The following CCNI variants were observed in gnomAD, a reference collection of about 807,000 sequenced individuals.
CCNI encodes the protein cyclin I.
In CCNI, 14 loss-of-function variants were observed where a neutral mutation model predicts 34.1. The observed-to-expected ratio is 0.41, with a 90% confidence interval of 0.27 to 0.64. The LOEUF (loss-of-function observed/expected upper bound fraction) is 0.64. Ranked by LOEUF, CCNI falls within the 30% of genes least tolerant of loss-of-function variation. The probability of loss-of-function intolerance (pLI) is 0.31; values close to 1 mark genes in which losing one functional copy is unlikely to be tolerated. For missense variants in CCNI, 385 were observed against 440.5 expected (o/e 0.87, Z 1.13); for synonymous variants, 154 against 158.4 (o/e 0.97, Z 0.21).
intron 2 of CCNI, among the ~76,000 whole-genome samples, chr4:77,062,868 A>G (rs539082438): frequency 4.6e-5 from 7 of 152,378 alleles, no homozygotes; most frequent in East Asian, 1.9e-4. Flanking sequence ...GTACTATTAC[A>G]TAATATAAAA....
chr4:77,047,942 A>G lies in CCNI; in HGVS notation c.*277T>C. 1 of 280,940 alleles carries G rather than the reference A, an allele frequency of 3.6e-6. No homozygotes were observed. The highest frequency in any genetic ancestry group is 6.6e-5 in the East Asian group (1 of 15,210). The allele number at this position is 280,940 out of a possible 1,614,324, so 17.4% of individuals were successfully genotyped here. ...GCAAGCTACGTTACATTATGGCAGAAAAAAAGTGCAACTGACATACTACAA... is the reference window on the plus strand; with the variant it reads ...GCAAGCTACGTTACATTATGGCAGAGAAAAAGTGCAACTGACATACTACAA... On this transcript the variant is annotated 3_prime_UTR_variant, in exon 7 of 7. Transcript: ENST00000237654.
chr4:77,048,051 G>C lies in CCNI; in HGVS notation c.*168C>G. ...GGTCTTTATGTGCTTAAATAACGCT[G>C]AATTATAATTAGCCACACAAATAAT... On this transcript the variant is annotated 3_prime_UTR_variant, in exon 7 of 7. Coordinates refer to ENST00000237654, the MANE Select transcript of CCNI (RefSeq NM_006835.3). 4.2e-6 allele frequency: 2 copies of C among 481,812 alleles called. No individual in the cohort carries two copies. 29.8% of individuals were successfully genotyped at this position (481,812 alleles called of 1,614,324 possible). A position where few individuals can be genotyped will look rare whatever the true frequency, so the allele number is the denominator to read the frequency against.
In CCNI at chr4:77,067,790, TAAAAAAAAAA is replaced by T. The variant is rs375815113; in HGVS notation, c.-43-1395_-43-1386del. Among the ~76,000 whole-genome samples the T allele has an allele frequency of 3.5e-3, 344 of 98,688 alleles. 2 individuals carry two copies. Among genetic ancestry groups the T allele is most frequent in the African/African-American group, 7.2e-3 (176 of 24,484 alleles). 64.7% of individuals were successfully genotyped at this position (98,688 alleles called of 152,430 possible). A position where few individuals can be genotyped will look rare whatever the true frequency, so the allele number is the denominator to read the frequency against. On this transcript the variant is annotated intron_variant, in intron 1 of 6. Transcript: ENST00000237654. ...GAGCCACCGTGCAGGCTTCTAGGTT[TAAAAAAAAAA>T]AAAAAAAAAAAAAAAAAAAGAAGCA...
At chr4:77,058,079 G>C (rs1728356910) in intron 3 of CCNI, among the ~76,000 whole-genome samples, 1 of 152,222 alleles carries the variant, frequency 6.6e-6, no homozygotes, top group African/African-American at 2.4e-5. Flanking sequence ...AGAAAGCCGG[G>C]AGTGGTGGCT....
chr4:77,075,458 CCCCCG>C lies in CCNI; in HGVS notation c.-44+9_-44+13del. 3.9e-6 allele frequency: 2 copies of C among 507,752 alleles called. No individual in the cohort carries two copies. The highest frequency in any genetic ancestry group is 5.1e-6 in the Non-Finnish European group (2 of 393,932). 31.5% of individuals were successfully genotyped at this position (507,752 alleles called of 1,614,324 possible). On this transcript the variant is annotated intron_variant, in intron 1 of 6. Coordinates refer to ENST00000237654, the MANE Select transcript of CCNI (RefSeq NM_006835.3). ...GAGACGCGTCGAGCCCCCGCCCCCGCCCCCGCCCCTCACCTTCTCCTCCTCTTCCT... is the reference window on the plus strand; with the variant it reads ...GAGACGCGTCGAGCCCCCGCCCCCGCCCCCTCACCTTCTCCTCCTCTTCCT...
chr4:77,075,441 T>TCGAGCC (rs1729847732), intron 1 of CCNI, 31 bp downstream of exon 1: 3 of 861,766 alleles, frequency 3.5e-6, no homozygotes, highest in Non-Finnish European at 4.2e-6. Flanking sequence ...CGGAGACGCG[T>TCGAGCC]CGAGCCCCCG....
intron 1 of CCNI, among the ~76,000 whole-genome samples, chr4:77,068,731 G>C (rs1336772895): frequency 6.7e-6 from 1 of 149,142 alleles, no homozygotes; most frequent in African/African-American, 2.6e-5. Flanking sequence ...CATGTAAAAA[G>C]TTCCAATTTT....
At position 77,048,162 on chromosome 4, in the gene CCNI, T is replaced by C. The variant is rs898135351; in HGVS notation, c.*57A>G. 6.2e-5 allele frequency: 84 copies of C among 1,365,314 alleles called. No homozygotes were observed. The highest frequency in any genetic ancestry group is 7.9e-5 in the Non-Finnish European group (78 of 982,370). 84.6% of individuals were successfully genotyped at this position (1,365,314 alleles called of 1,614,324 possible). On this transcript the variant is annotated 3_prime_UTR_variant, in exon 7 of 7. Transcript: ENST00000237654. The stretch of plus-strand genomic sequence containing the variant: ...CTACAGCCTTTCCTGATTTTGCATG[T>C]TCTCATTCCCAAAGTAGTCTACCTT...
chr4:77,070,891 A>G (rs749056970), intron 1 of CCNI, among the ~76,000 whole-genome samples: 1 of 152,218 alleles, frequency 6.6e-6, no homozygotes, highest in Non-Finnish European at 1.5e-5. Context: ...ATCTGACAAG[A>G]GATATTTAGA....
chr4:77,058,886 G>GCACC (rs1255645133), intron 2 of CCNI, among the ~76,000 whole-genome samples: 1 of 152,028 alleles, frequency 6.6e-6, no homozygotes, highest in Non-Finnish European at 1.5e-5. Context: ...AATATCCATA[G>GCACC]TTGAATTAAA....
chr4:77,050,366 A>C (rs1727744698), intron 6 of CCNI, among the ~76,000 whole-genome samples: 1 of 152,188 alleles, frequency 6.6e-6, no homozygotes, highest in Admixed American at 6.5e-5. Flanking sequence ...CCACAGAGAA[A>C]ATAGGGGAAA....
chr4:77,053,000 A>C (rs1461180146), intron 6 of CCNI, among the ~76,000 whole-genome samples: 4 of 152,174 alleles, frequency 2.6e-5, no homozygotes, highest in Non-Finnish European at 5.9e-5. Flanking sequence ...AAAGAAAAAA[A>C]ATTCACTGTA....
At chr4:77,057,862 TTATTC>T (rs1321506851) in intron 3 of CCNI, among the ~76,000 whole-genome samples, 1 of 152,206 alleles carries the variant, frequency 6.6e-6, no homozygotes, top group East Asian at 1.9e-4. Context: ...GGCTTATACT[TTATTC>T]TAGTCTGATT....
At chr4:77,055,908 T>G (rs1728188000) in intron 5 of CCNI, 54 bp downstream of exon 5, 1 of 1,417,292 alleles carries the variant, frequency 7.1e-7, no homozygotes, top group African/African-American at 1.4e-5. Flanking sequence ...ATTTTTTAAT[T>G]TACTGAAAAC....
chr4:77,069,234 T>G (rs1050321445), intron 1 of CCNI, among the ~76,000 whole-genome samples: 9 of 152,128 alleles, frequency 5.9e-5, no homozygotes, highest in African/African-American at 9.7e-5. Flanking sequence ...CTGGGCAATG[T>G]GGTGAAACTC....
intron 1 of CCNI, among the ~76,000 whole-genome samples, chr4:77,072,495 T>C (rs1729550001): frequency 6.9e-6 from 1 of 144,424 alleles, no homozygotes; most frequent in African/African-American, 2.6e-5. Flanking sequence ...TAGCCAGGCA[T>C]GATGTCACAC....
At chr4:77,063,120 T>C (rs1354596462) in intron 2 of CCNI, among the ~76,000 whole-genome samples, 1 of 152,082 alleles carries the variant, frequency 6.6e-6, no homozygotes, top group African/African-American at 2.4e-5. Flanking sequence ...AGCTGCATAA[T>C]ATTCTTGCCT....
intron 2 of CCNI, among the ~76,000 whole-genome samples, chr4:77,063,358 A>G (rs1349931728): frequency 6.6e-6 from 1 of 150,860 alleles, no homozygotes; most frequent in East Asian, 1.9e-4. Flanking sequence ...AAAAAAAAAA[A>G]AAAAAAAAAA....
At chr4:77,056,498 A>G in intron 3 of CCNI, 175 bp from the exon 4 acceptor site, 2 of 587,694 alleles carry the variant, frequency 3.4e-6, no homozygotes, top group Non-Finnish European at 6.2e-6. Context: ...TAACTTTAAG[A>G]ACAGGAAAGA....
Sources: allele counts gnomAD v4.1 joint callset (sites outside exome capture counted in the v4.1 genomes callset), GRCh38; gene constraint gnomAD v4.1.1; transcripts MANE v1.5; gene names NCBI Gene and HGNC (gene_info 2026-07-23, HGNC 2026-07-21).